LRRC39: variants seen among roughly 807,000 people sequenced by gnomAD.
The protein encoded by LRRC39 is leucine-rich repeat-containing protein 39.
In LRRC39, 35 loss-of-function variants were observed where a neutral mutation model predicts 39.7. That is an observed-to-expected ratio of 0.88 (90% CI 0.67 to 1.17). The LOEUF (loss-of-function observed/expected upper bound fraction) is 1.17, where lower values mean the gene tolerates loss of function less well. Among genes scored for constraint, LRRC39 ranks in the 50% most tolerant of loss-of-function variants. The pLI is 0.00. For synonymous variants in LRRC39, 113 were observed against 134.1 expected (o/e 0.84, Z 1.09); for missense variants, 357 against 385.8 (o/e 0.93, Z 0.62).
At position 100,148,535 on chromosome 1, in the gene LRRC39, AAC is replaced by A. The variant is rs1657585284; in HGVS notation, c.*505_*506del. ...GTACTTAGTACATTATGGGTTAGTT[AAC>A]AGTCTCTCAATAAATAGTGACAAAA... On this transcript the variant is annotated 3_prime_UTR_variant, in exon 10 of 10. Transcript: ENST00000370137. The A allele has an allele frequency of 8.0e-7, 1 of 1,253,628 alleles. No individual in the cohort carries two copies. The highest frequency in any genetic ancestry group is 1.5e-5 in the African/African-American group (1 of 65,194). 77.7% of individuals were successfully genotyped at this position (1,253,628 alleles called of 1,614,324 possible). A position where few individuals can be genotyped will look rare whatever the true frequency, so the allele number is the denominator to read the frequency against.
At chr1:100,159,022 G>A (rs1456050108) in intron 5 of LRRC39, among the ~76,000 whole-genome samples, 1 of 151,914 alleles carries the variant, frequency 6.6e-6, no homozygotes, top group African/African-American at 2.4e-5. Context: ...ATTGTTCCGA[G>A]AATCACAGGA....
In LRRC39 at chr1:100,168,317, A is replaced by G. The variant is rs1261342354; in HGVS notation, c.113+87T>C. ...TAAATAAAATTCTATATCAAATTCA[A>G]TAACAAGGCATTTAGAATGCTCTTT... On this transcript the variant is annotated intron_variant, in intron 3 of 9. Transcript: ENST00000370137. 6 of 943,616 alleles carry G rather than the reference A, an allele frequency of 6.4e-6. No homozygotes were observed. The East Asian group carries it at 1.4e-4, about 22-fold the overall frequency. The allele number at this position is 943,616 out of a possible 1,614,324, so 58.5% of individuals were successfully genotyped here.
intron 9 of LRRC39, 73 bp from the exon 10 acceptor site, chr1:100,149,170 CT>C (rs1352100154): frequency 1.3e-6 from 2 of 1,541,360 alleles, no homozygotes; most frequent in African/African-American, 2.8e-5. Context: ...ATTTATCTTC[CT>C]TTGATTTTAT....
intron 3 of LRRC39, among the ~76,000 whole-genome samples, chr1:100,167,610 A>G (rs1374604083): frequency 6.6e-6 from 1 of 151,990 alleles, no homozygotes; most frequent in Non-Finnish European, 1.5e-5. Flanking sequence ...CCCTGTCTCT[A>G]CTAAGAATAC....
rs1467093448 is a variant in LRRC39 at position 100,155,182 on chromosome 1, TA to T, written c.680del (p.Leu227TyrfsTer8). 2 of 1,600,062 alleles carry T rather than the reference TA, an allele frequency of 1.2e-6. No individual in the cohort carries two copies. Among genetic ancestry groups the T allele is most frequent in the East Asian group, 2.2e-5 (1 of 44,570 alleles). On this transcript the variant is annotated frameshift_variant, in exon 8 of 10. Transcript: ENST00000370137. LOFTEE classifies it high-confidence loss of function. Reference sequence around the variant, plus strand: ...ATGTTATTTCATTTCGTTGCAGCCATAACGTATGTAGATTTTGCATTCTGAA... The same window carrying T: ...ATGTTATTTCATTTCGTTGCAGCCATACGTATGTAGATTTTGCATTCTGAA... ...TIERMQNLHTLWLQRNEITCL... is the reference protein window; with the variant it reads ...TIERMQNLHTXWLQRNEITCL...
In LRRC39 at chr1:100,168,575, G is replaced by C; in HGVS notation, c.-59C>G. ...TTAGGTTTTGAATAGCTGAATCATA[G>C]ATACCATTTCAGAAAGGACCTAAAT... is the stretch of plus-strand genomic sequence containing the variant. On this transcript the variant is annotated 5_prime_UTR_variant, in exon 3 of 10. In the 5' UTR this introduces an upstream ATG that the reference lacks. Coordinates refer to ENST00000370137, the MANE Select transcript of LRRC39 (RefSeq NM_144620.4). The C allele has an allele frequency of 7.7e-7, 1 of 1,304,468 alleles. No individual in the cohort carries two copies. Among genetic ancestry groups the C allele is most frequent in the Non-Finnish European group, 1.1e-6 (1 of 918,756 alleles). The allele number at this position is 1,304,468 out of a possible 1,614,324, so 80.8% of individuals were successfully genotyped here.
intron 1 of LRRC39, among the ~76,000 whole-genome samples, chr1:100,174,167 T>A (rs1659811403): frequency 6.6e-6 from 1 of 152,186 alleles, no homozygotes; most frequent in East Asian, 1.9e-4. Context: ...TTATTTTGCA[T>A]TCATCAAGAT....
chr1:100,149,563 ATC>A (rs1227673403), intron 9 of LRRC39: 1 of 836,770 alleles, frequency 1.2e-6, no homozygotes, highest in East Asian at 3.0e-5. Context: ...TTGATTAGCT[ATC>A]TCATATCTTT....
At chr1:100,179,499 C>CAAAAAAA (rs60588308), upstream of LRRC39, among the ~76,000 whole-genome samples, 71 of 45,590 alleles carry the variant, frequency 1.6e-3, 2 homozygotes, top group African/African-American at 2.0e-3. Context: ...CTGTATCTAC[C>CAAAAAAA]AAAAAAAAAA....
chr1:100,161,164 T>C (rs999479028), intron 3 of LRRC39, among the ~76,000 whole-genome samples: 3 of 152,220 alleles, frequency 2.0e-5, no homozygotes, highest in Admixed American at 6.5e-5. Context: ...TTTTGGTATA[T>C]TCACAGATTT....
rs1287485929 is a variant in LRRC39, at chr1:100,156,214, A to G, written c.617T>C (p.Met206Thr). 6.2e-7 allele frequency: 1 copy of G among 1,613,992 alleles called. No individual in the cohort carries two copies. Among genetic ancestry groups the G allele is most frequent in the East Asian group, 2.2e-5 (1 of 44,878 alleles). ...AAGTTGTTCAAGTTTGTTGCTTCCC[A>G]TGTCCAGCCACTCAAGGGCAGGCAT... ...LNMPALEWLD[M>T]GSNKLEQLPD... Residue 206 changes from methionine (M) to threonine (T), a missense_variant, in exon 7 of 10, where the codon ATG becomes ACG. Physicochemically the swap from Met to Thr is moderately conservative, Grantham distance 81. Transcript: ENST00000370137.
intron 2 of LRRC39, among the ~76,000 whole-genome samples, chr1:100,171,569 C>G (rs1300581243): frequency 7.1e-6 from 1 of 141,052 alleles, no homozygotes; most frequent in Admixed American, 7.6e-5. Flanking sequence ...GAGGCGTGAT[C>G]TCGGCTCACT....
In LRRC39 at chr1:100,152,457, C is replaced by A; in HGVS notation, c.880G>T (p.Glu294Ter). 6.2e-7 allele frequency: 1 copy of A among 1,614,094 alleles called. No individual in the cohort carries two copies. Among genetic ancestry groups the A allele is most frequent in the Non-Finnish European group, 8.5e-7 (1 of 1,179,998 alleles). The change falls in exon 9 of 10, where the codon GAA becomes TAA. Residue 294 changes from glutamate (E) to a stop codon, truncating the protein, a stop_gained. Transcript: ENST00000370137. LOFTEE classifies it high-confidence loss of function. ...CCAAATAATTCCCGTTCCTCTTCTT[C>A]ATCTGTGCCTTCACTGGGAGGAAGT... ...VSLPPSEGTD[E>*]EEERELFGLQ...
At position 100,148,713 on chromosome 1, in the gene LRRC39, G is replaced by A. The variant is rs932531069; in HGVS notation, c.*329C>T. The A allele has an allele frequency of 1.2e-5, 19 of 1,613,136 alleles. No individual in the cohort carries two copies. The highest frequency in any genetic ancestry group is 1.6e-5 in the Non-Finnish European group (19 of 1,179,642). On this transcript the variant is annotated 3_prime_UTR_variant, in exon 10 of 10. Coordinates refer to ENST00000370137, the MANE Select transcript of LRRC39 (RefSeq NM_144620.4). ...TCGAATCCAGTATTTGCAGCAGAAG[G>A]GATTCAGTCCTGCTTTGCAGTACTA...
Position 100,175,135 on chromosome 1 carries a change from A to G in LRRC39, c.-118-1765T>C, listed in dbSNP as rs79031218. Among the ~76,000 whole-genome samples, 732 of 151,892 alleles carry G rather than the reference A, an allele frequency of 4.8e-3. 29 individuals are homozygous for G. In the East Asian group the frequency reaches 0.11, roughly 23 times the overall value. On this transcript the variant is annotated intron_variant, in intron 1 of 9. Coordinates refer to ENST00000370137, the MANE Select transcript of LRRC39 (RefSeq NM_144620.4). ...AAGCCTGCAGAACCGTGAGCCAGTT[A>G]AACCTCTTTTCTTTGTAATTTACCC...
rs1225083743 is a variant in LRRC39, at chr1:100,148,516, A to G, written c.*526T>C. 5.4e-6 allele frequency: 6 copies of G among 1,110,306 alleles called. No individual in the cohort carries two copies. In the South Asian group the frequency reaches 5.8e-5, roughly 11 times the overall value. The allele number at this position is 1,110,306 out of a possible 1,614,324, so 68.8% of individuals were successfully genotyped here. A position where few individuals can be genotyped will look rare whatever the true frequency, so the allele number is the denominator to read the frequency against. On this transcript the variant is annotated 3_prime_UTR_variant, in exon 10 of 10. Transcript: ENST00000370137. ...CTTGGAAGCATGGGACAAAGTACTT[A>G]GTACATTATGGGTTAGTTAACAGTC...
In LRRC39 at chr1:100,148,458, A is replaced by T. The variant is rs113139260; in HGVS notation, c.*584T>A. 3.6e-6 allele frequency: 4 copies of T among 1,117,422 alleles called. No individual in the cohort carries two copies. Among genetic ancestry groups the T allele is most frequent in the Non-Finnish European group, 5.1e-6 (4 of 787,078 alleles). 69.2% of individuals were successfully genotyped at this position (1,117,422 alleles called of 1,614,324 possible). ...AATTTTAGAATAAGCTAAAATATAC[A>T]CATCTTTTATTGTGGTCATAAATAT... On this transcript the variant is annotated 3_prime_UTR_variant, in exon 10 of 10. Transcript: ENST00000370137.
chr1:100,152,615 A>G (rs767774968), intron 8 of LRRC39, 91 bp from the exon 9 acceptor site: 212 of 1,351,324 alleles, frequency 1.6e-4, no homozygotes, highest in Non-Finnish European at 2.0e-4. Context: ...AATATACTAA[A>G]TTACTCGTTT....
At chr1:100,167,775 CAAA>C (rs1372267018) in intron 3 of LRRC39, among the ~76,000 whole-genome samples, 16 of 112,908 alleles carry the variant, frequency 1.4e-4, no homozygotes, top group African/African-American at 4.8e-4. Flanking sequence ...GTCTCCATTT[CAAA>C]AATAATAATA....
Sources: gnomAD v4.1 joint callset for allele counts (sites outside exome capture counted in the v4.1 genomes callset) on GRCh38, gnomAD v4.1.1 for gene constraint, MANE v1.5 for transcripts, NCBI Gene and HGNC (gene_info 2026-07-23, HGNC 2026-07-21) for gene names.